MIS18BP1: variants seen among roughly 807,000 people sequenced by gnomAD.
The protein encoded by MIS18BP1 is mis18-binding protein 1.
MIS18BP1 carries 72 observed loss-of-function variants against 116.1 expected under a neutral mutation model. The observed-to-expected ratio is 0.62, with a 90% CI of 0.51 to 0.75. MIS18BP1 has a LOEUF of 0.75. Among genes scored for constraint, MIS18BP1 ranks in the 30% least tolerant of loss-of-function variants. The probability of loss-of-function intolerance (pLI) is 0.00; values close to 1 mark genes in which losing one functional copy is unlikely to be tolerated. For missense variants in MIS18BP1, 1,363 were observed against 1,303.2 expected, an observed-to-expected ratio of 1.05 and a Z score of -0.71; for synonymous variants, 386 against 427.0, an observed-to-expected ratio of 0.90 and a Z score of 1.18.
chr14:45,213,641 G>A (rs1042941719), intron 13 of MIS18BP1, among the ~76,000 whole-genome samples: 6 of 152,082 alleles, frequency 3.9e-5, no homozygotes, highest in East Asian at 1.9e-4. Flanking sequence ...CTGACCCTTC[G>A]TATCAACAGA....
intron 11 of MIS18BP1, among the ~76,000 whole-genome samples, chr14:45,219,415 G>A (rs1424132584): frequency 6.6e-6 from 1 of 152,014 alleles, no homozygotes; most frequent in African/African-American, 2.4e-5. Context: ...CACTGACTGT[G>A]GAGTTGATAA....
chr14:45,242,206 T>C lies in MIS18BP1; in HGVS notation c.971A>G (p.Lys324Arg). ...SQQKVKEGNG[K>R]TVPGETGLPG... ...AAGACCTGTCTCTCCAGGCACTGTT[T>C]TTCCATTTCCTTCCTTAACTTTCTG... is the stretch of plus-strand genomic sequence containing the variant. Residue 324 changes from lysine (K) to arginine (R), a missense_variant, in exon 4 of 17, where the codon AAA (lysine) becomes AGA (arginine). Coordinates refer to ENST00000310806, the MANE Select transcript of MIS18BP1 (RefSeq NM_018353.5). The C allele has an allele frequency of 6.2e-7, 1 of 1,614,154 alleles. No homozygotes were observed. Among genetic ancestry groups the C allele is most frequent in the Non-Finnish European group, 8.5e-7 (1 of 1,179,994 alleles).
At chr14:45,226,488 T>G (rs181213186) in intron 10 of MIS18BP1, among the ~76,000 whole-genome samples, 25 of 152,318 alleles carry the variant, frequency 1.6e-4, no homozygotes, top group African/African-American at 5.8e-4. Context: ...TTAAATGATA[T>G]ATAGTTTTGT....
At chr14:45,251,127 C>T (rs1293758606) in intron 1 of MIS18BP1, among the ~76,000 whole-genome samples, 1 of 151,268 alleles carries the variant, frequency 6.6e-6, no homozygotes, top group Non-Finnish European at 1.5e-5. Context: ...ACACAGTGGT[C>T]CCATAAGATT....
chr14:45,216,158 G>A (rs1181879767), intron 13 of MIS18BP1, among the ~76,000 whole-genome samples: 1 of 152,164 alleles, frequency 6.6e-6, no homozygotes, highest in Non-Finnish European at 1.5e-5. Flanking sequence ...AGATAAAACT[G>A]CAATAAGTAT....
intron 11 of MIS18BP1, among the ~76,000 whole-genome samples, chr14:45,222,523 C>T (rs1197377689): frequency 1.3e-5 from 2 of 152,216 alleles, no homozygotes; most frequent in East Asian, 3.9e-4. Context: ...CCAAGCTATA[C>T]GTTCAGTCTA....
intron 1 of MIS18BP1, among the ~76,000 whole-genome samples, chr14:45,251,441 T>C (rs1891871755): frequency 1.3e-5 from 2 of 152,164 alleles, no homozygotes; most frequent in Admixed American, 1.3e-4. Context: ...ATGTATATGA[T>C]CCTGAATGTA....
intron 2 of MIS18BP1, 37 bp downstream of exon 2, chr14:45,246,706 A>C: frequency 6.6e-7 from 1 of 1,518,294 alleles, no homozygotes; most frequent in South Asian, 1.4e-5. Flanking sequence ...TAAACACTTA[A>C]GACATTACAG....
chr14:45,210,655 A>C, intron 13 of MIS18BP1, 127 bp from the exon 14 acceptor site: 1 of 1,115,842 alleles, frequency 9.0e-7, no homozygotes, highest in South Asian at 1.4e-5. Flanking sequence ...AATTAAAAAC[A>C]GTAGTACGTA....
chr14:45,251,797 C>G (rs565985205), intron 1 of MIS18BP1, among the ~76,000 whole-genome samples: 2 of 152,290 alleles, frequency 1.3e-5, no homozygotes, highest in East Asian at 3.9e-4. Context: ...CCTGATTTTA[C>G]TAATAAATGG....
intron 2 of MIS18BP1, among the ~76,000 whole-genome samples, chr14:45,243,586 T>C (rs1262047408): frequency 6.6e-6 from 1 of 152,130 alleles, no homozygotes. Context: ...TATGTTTAAT[T>C]TTAAATTTTA....
chr14:45,238,560 T>C (rs771011693), intron 4 of MIS18BP1, among the ~76,000 whole-genome samples: 1 of 152,220 alleles, frequency 6.6e-6, no homozygotes, highest in South Asian at 2.1e-4. Flanking sequence ...CTGAGGACAG[T>C]TGCTTAAACC....
At chr14:45,240,954 A>T (rs149754258) in intron 4 of MIS18BP1, among the ~76,000 whole-genome samples, 28 of 152,294 alleles carry the variant, frequency 1.8e-4, no homozygotes, top group African/African-American at 6.7e-4. Flanking sequence ...AATATTTTCC[A>T]ATAATGGGAT....
At chr14:45,211,396 C>A (rs1890668977) in intron 13 of MIS18BP1, among the ~76,000 whole-genome samples, 1 of 152,230 alleles carries the variant, frequency 6.6e-6, no homozygotes, top group East Asian at 1.9e-4. Context: ...GGCCCCTTCA[C>A]CAAATGGAAT....
intron 11 of MIS18BP1, among the ~76,000 whole-genome samples, chr14:45,219,580 T>G (rs1204480690): frequency 3.9e-5 from 6 of 152,250 alleles, no homozygotes; most frequent in African/African-American, 1.4e-4. Flanking sequence ...TTTATATAAT[T>G]TTTTAATGAC....
In MIS18BP1 at chr14:45,204,103, A is replaced by G; in HGVS notation, c.*6T>C. The stretch of plus-strand genomic sequence containing the variant: ...AAAATCCCAGGAATCATATTTTCTC[A>G]TTTTACTATGCAGAATCAGAGTTCG... On this transcript the variant is annotated 3_prime_UTR_variant, in exon 17 of 17. Transcript: ENST00000310806. 4.4e-6 allele frequency: 7 copies of G among 1,606,714 alleles called. No homozygotes were observed. Among genetic ancestry groups the G allele is most frequent in the Non-Finnish European group, 5.9e-6 (7 of 1,177,750 alleles).
intron 13 of MIS18BP1, among the ~76,000 whole-genome samples, chr14:45,212,623 A>C (rs551710911): frequency 6.6e-6 from 1 of 152,230 alleles, no homozygotes. Context: ...AAGATCTCAG[A>C]AACTGGGCAA....
chr14:45,203,971 C>A lies in MIS18BP1; in HGVS notation c.*138G>T. 1 of 1,286,674 alleles carries A rather than the reference C, an allele frequency of 7.8e-7. No individual in the cohort carries two copies. The allele number at this position is 1,286,674 out of a possible 1,614,324, so 79.7% of individuals were successfully genotyped here. A position where few individuals can be genotyped will look rare whatever the true frequency, so the allele number is the denominator to read the frequency against. On this transcript the variant is annotated 3_prime_UTR_variant, in exon 17 of 17. Transcript: ENST00000310806. ...CAATGAGGATATTTTACTTTGAACA[C>A]AAACATATGAAACCTTCAAAAAAGT...
chr14:45,212,209 G>A (rs543350917), intron 13 of MIS18BP1, among the ~76,000 whole-genome samples: 131 of 152,128 alleles, frequency 8.6e-4, no homozygotes, highest in Non-Finnish European at 1.5e-3. Context: ...CAGTGTAGGT[G>A]TGTAACCTTA....
Sources: allele counts gnomAD v4.1 joint callset (sites outside exome capture counted in the v4.1 genomes callset), GRCh38; gene constraint gnomAD v4.1.1; transcripts MANE v1.5; gene names NCBI Gene and HGNC (gene_info 2026-07-23, HGNC 2026-07-21).